Variants in ADCY8 observed in about 807,000 individuals in gnomAD.
ADCY8 encodes the protein adenylate cyclase type 8.
A neutral mutation model predicts 119.7 loss-of-function variants in ADCY8; 51 were observed. The ratio of observed to expected loss-of-function variants is 0.43; its 90% CI spans 0.34 to 0.54. The LOEUF (loss-of-function observed/expected upper bound fraction) is 0.54, where lower values mean the gene tolerates loss of function less well. Among genes scored for constraint, ADCY8 ranks in the 20% least tolerant of loss-of-function variants. The pLI is 0.03. For synonymous variants in ADCY8, 665 were observed against 651.0 expected (o/e 1.02, Z -0.33); for missense variants, 1,383 against 1,598.8 (o/e 0.87, Z 2.30).
chr8:130,919,215 G>A (rs1014801078), intron 5 of ADCY8, among the ~76,000 whole-genome samples: 1 of 152,082 alleles, frequency 6.6e-6, no homozygotes, highest in African/African-American at 2.4e-5. Context: ...TTTTAACATG[G>A]CCCAGACACT....
At position 130,904,061 on chromosome 8, in the gene ADCY8, G is replaced by T; in HGVS notation, c.1641-19C>A. 3.7e-6 allele frequency: 6 copies of T among 1,602,882 alleles called. No homozygotes were observed. The highest frequency in any genetic ancestry group is 2.2e-5 in the South Asian group (2 of 89,400). On this transcript the variant is annotated intron_variant, in intron 6 of 17. Coordinates refer to ENST00000286355, the MANE Select transcript of ADCY8 (RefSeq NM_001115.3). Reference sequence around the variant, plus strand: ...AATCCTCCTGTGTGTAGAAGGCATAGGTCATTACACACTCCTGATGTTGCC... The same window carrying T: ...AATCCTCCTGTGTGTAGAAGGCATATGTCATTACACACTCCTGATGTTGCC...
chr8:130,967,297 G>A (rs1322136694), intron 2 of ADCY8, among the ~76,000 whole-genome samples: 1 of 152,124 alleles, frequency 6.6e-6, no homozygotes, highest in Non-Finnish European at 1.5e-5. Flanking sequence ...ATTTGTTAGT[G>A]GTCTAAGACC....
chr8:131,036,282 A>G (rs1824150762), intron 1 of ADCY8, among the ~76,000 whole-genome samples: 1 of 152,208 alleles, frequency 6.6e-6, no homozygotes, highest in South Asian at 2.1e-4. Context: ...TACATGTAAA[A>G]TACTGTGCAA....
chr8:130,890,121 CG>C (rs1819131395), intron 7 of ADCY8, among the ~76,000 whole-genome samples: 1 of 149,676 alleles, frequency 6.7e-6, no homozygotes, highest in Non-Finnish European at 1.5e-5. Context: ...AGTGGATAGA[CG>C]AAAGGTCAAG....
chr8:130,801,260 C>T (rs549163969), intron 14 of ADCY8, among the ~76,000 whole-genome samples: 25 of 152,188 alleles, frequency 1.6e-4, no homozygotes, highest in African/African-American at 6.0e-4. Flanking sequence ...TAACCCTCTA[C>T]TCTATTTCTC....
chr8:130,925,764 A>G (rs1820447151), intron 5 of ADCY8, among the ~76,000 whole-genome samples: 1 of 152,214 alleles, frequency 6.6e-6, no homozygotes, highest in Non-Finnish European at 1.5e-5. Context: ...TAAAATTTGT[A>G]TGTCACATAT....
chr8:130,791,390 C>T (rs10090411), intron 15 of ADCY8, among the ~76,000 whole-genome samples: 1,680 of 152,256 alleles, frequency 0.011, 33 homozygotes, highest in African/African-American at 0.037. Flanking sequence ...GGGCAGGTGC[C>T]GGTAAGCGGA....
intron 4 of ADCY8, 182 bp downstream of exon 4, chr8:130,943,169 C>T: frequency 6.1e-6 from 3 of 492,680 alleles, no homozygotes; most frequent in Non-Finnish European, 1.1e-5. Flanking sequence ...AAACCTCCTG[C>T]ATGAGACCTG....
Position 130,914,880 on chromosome 8 carries a change from A to G in ADCY8, c.1482-5014T>C, listed in dbSNP as rs559035926. ...ATTCCCACTTAGCTCAAAGCTCAGC[A>G]CACAGACATAGTCAGTGCTGAAAGT... On this transcript the variant is annotated intron_variant, in intron 5 of 17. Transcript: ENST00000286355. Among the ~76,000 whole-genome samples, 184 of 152,324 alleles carry G rather than the reference A, an allele frequency of 1.2e-3. 1 individual carries two copies. Among genetic ancestry groups the G allele is most frequent in the African/African-American group, 4.0e-3 (168 of 41,570 alleles).
chr8:130,795,766 A>G (rs1301563632), intron 15 of ADCY8, among the ~76,000 whole-genome samples: 1 of 151,984 alleles, frequency 6.6e-6, no homozygotes, highest in Non-Finnish European at 1.5e-5. Context: ...GAACACAGGT[A>G]GGTGCTTGGC....
intron 13 of ADCY8, among the ~76,000 whole-genome samples, chr8:130,818,189 T>C (rs1222492079): frequency 1.3e-5 from 2 of 152,224 alleles, no homozygotes; most frequent in African/African-American, 2.4e-5. Context: ...TACCTATTCT[T>C]GAAGTGGAAT....
intron 9 of ADCY8, among the ~76,000 whole-genome samples, chr8:130,867,591 AT>A (rs1438496511): frequency 6.6e-6 from 1 of 152,204 alleles, no homozygotes; most frequent in Non-Finnish European, 1.5e-5. Context: ...GTCATGTCAA[AT>A]AAGAGTGGGG....
intron 7 of ADCY8, among the ~76,000 whole-genome samples, chr8:130,897,923 C>T (rs957327357): frequency 1.3e-5 from 2 of 151,154 alleles, no homozygotes; most frequent in African/African-American, 4.9e-5. Context: ...TACACATATA[C>T]ACACCATGTA....
intron 1 of ADCY8, among the ~76,000 whole-genome samples, chr8:131,022,543 C>A (rs1259839530): frequency 6.6e-6 from 1 of 152,010 alleles, no homozygotes. Context: ...TTGGATTGGT[C>A]TTAAAGAAAG....
chr8:131,030,944 G>A (rs1823977589), intron 1 of ADCY8, among the ~76,000 whole-genome samples: 1 of 152,110 alleles, frequency 6.6e-6, no homozygotes, highest in African/African-American at 2.4e-5. Context: ...TACCATTTTG[G>A]CCTCTTGCCC....
intron 3 of ADCY8, among the ~76,000 whole-genome samples, chr8:130,949,033 A>G (rs4736726): frequency 0.81 from 122,676 of 151,964 alleles, 50,052 homozygotes; most frequent in East Asian, 0.94. Flanking sequence ...CCCCCTAGTA[A>G]CGGCTCTGAA....
chr8:130,849,128 TCAGA>T (rs1238838202), intron 10 of ADCY8, among the ~76,000 whole-genome samples: 1 of 151,862 alleles, frequency 6.6e-6, no homozygotes, highest in African/African-American at 2.4e-5. Context: ...GGTCATGGAG[TCAGA>T]CAGACCTTAT....
chr8:130,823,006 A>T (rs968271347), intron 12 of ADCY8, among the ~76,000 whole-genome samples: 1 of 152,206 alleles, frequency 6.6e-6, no homozygotes, highest in African/African-American at 2.4e-5. Flanking sequence ...CACATTGCTT[A>T]GTTTGAATGA....
At chr8:130,872,306 C>A (rs1409482704) in intron 8 of ADCY8, among the ~76,000 whole-genome samples, 5 of 152,226 alleles carry the variant, frequency 3.3e-5, no homozygotes, top group African/African-American at 1.2e-4. Context: ...TTATAATATC[C>A]TCACTTTGTA....
Sources: allele counts gnomAD v4.1 joint callset (sites outside exome capture counted in the v4.1 genomes callset), GRCh38; gene constraint gnomAD v4.1.1; transcripts MANE v1.5; gene names NCBI Gene and HGNC (gene_info 2026-07-23, HGNC 2026-07-21).